Variants in SPAG17 observed in about 807,000 individuals in gnomAD.
SPAG17 encodes the protein sperm associated antigen 17, also known as sperm-associated antigen 17.
A neutral mutation model predicts 273.6 loss-of-function variants in SPAG17; 169 were observed. The ratio of observed to expected loss-of-function variants is 0.62; its 90% confidence interval spans 0.55 to 0.70. The LOEUF (loss-of-function observed/expected upper bound fraction) is 0.70. Among genes scored for constraint, SPAG17 ranks in the 30% least tolerant of loss-of-function variants. The pLI, the probability that SPAG17 is intolerant of heterozygous loss-of-function variation, is 0.00. For missense variants in SPAG17, 2,557 were observed against 2,627.8 expected (o/e 0.97, Z 0.59); for synonymous variants, 825 against 873.2 (o/e 0.94, Z 0.97).
chr1:118,084,201 C>T (rs186583567), intron 13 of SPAG17, among the ~76,000 whole-genome samples: 1 of 152,172 alleles, frequency 6.6e-6, no homozygotes, highest in African/African-American at 2.4e-5. Context: ...ACCAGGCCCT[C>T]GAGGCTATAC....
intron 18 of SPAG17, among the ~76,000 whole-genome samples, chr1:118,059,917 C>A (rs935938805): frequency 2.6e-5 from 4 of 152,006 alleles, no homozygotes; most frequent in African/African-American, 9.7e-5. Flanking sequence ...AGAATTTAAT[C>A]CATTTAAAGT....
intron 4 of SPAG17, among the ~76,000 whole-genome samples, chr1:118,105,734 G>A (rs753063529): frequency 1.8e-4 from 27 of 152,084 alleles, no homozygotes; most frequent in Non-Finnish European, 2.6e-4. Context: ...GAGGTGATGA[G>A]GGCTTCAGTG....
At chr1:117,992,947 T>C (rs902582872) in intron 35 of SPAG17, among the ~76,000 whole-genome samples, 2 of 152,206 alleles carry the variant, frequency 1.3e-5, no homozygotes, top group Non-Finnish European at 2.9e-5. Context: ...GCCTAGCTTA[T>C]GACAAATGGA....
intron 28 of SPAG17, among the ~76,000 whole-genome samples, chr1:118,020,229 G>A (rs1217765049): frequency 1.3e-5 from 2 of 152,138 alleles, no homozygotes; most frequent in Non-Finnish European, 2.9e-5. Context: ...GACCAGCCTG[G>A]CCAACATGGT....
intron 20 of SPAG17, among the ~76,000 whole-genome samples, chr1:118,050,116 C>T (rs1055027581): frequency 3.4e-4 from 51 of 152,172 alleles, no homozygotes; most frequent in African/African-American, 1.2e-3. Context: ...AGAAACCATA[C>T]TGTGCATGCT....
intron 1 of SPAG17, among the ~76,000 whole-genome samples, chr1:118,176,147 G>C (rs942106807): frequency 6.6e-6 from 1 of 152,036 alleles, no homozygotes; most frequent in African/African-American, 2.4e-5. Flanking sequence ...TACTACCAGA[G>C]AAAAATCACC....
intron 4 of SPAG17, among the ~76,000 whole-genome samples, chr1:118,102,421 G>C (rs1656128865): frequency 6.6e-6 from 1 of 152,230 alleles, no homozygotes; most frequent in Non-Finnish European, 1.5e-5. Context: ...GCATTTCATA[G>C]TACAAGTAAT....
intron 8 of SPAG17, among the ~76,000 whole-genome samples, chr1:118,092,891 A>G (rs1376418673): frequency 6.6e-6 from 1 of 152,172 alleles, no homozygotes; most frequent in African/African-American, 2.4e-5. Flanking sequence ...TAAATACTGC[A>G]ATTACTTTGT....
chr1:118,101,608 GC>G (rs1471386490), intron 5 of SPAG17, 131 bp downstream of exon 5: 2 of 847,796 alleles, frequency 2.4e-6, no homozygotes, highest in African/African-American at 3.4e-5. Flanking sequence ...TGTCTCTAGG[GC>G]AAAATGATTG....
At chr1:118,183,699 T>A (rs1376199243) in intron 1 of SPAG17, among the ~76,000 whole-genome samples, 1 of 152,200 alleles carries the variant, frequency 6.6e-6, no homozygotes, top group East Asian at 1.9e-4. Context: ...TATAGCTTCA[T>A]ATTTGCAACA....
chr1:118,091,679 T>C lies in SPAG17; in HGVS notation c.1286A>G (p.Tyr429Cys). Reference sequence around the variant, plus strand: ...TCGAATTGGATTCAGCAAATAATTGTAATATCTCATGTCTACTTCAGTTGT... The same window carrying C: ...TCGAATTGGATTCAGCAAATAATTGCAATATCTCATGTCTACTTCAGTTGT... ...VITTEVDMRY[Y>C]NYLLNPIREE... The change falls in exon 10 of 49, where the codon TAC (tyrosine) becomes TGC (cysteine). Residue 429 changes from tyrosine to cysteine, a missense_variant. Tyr to Cys is a radical substitution (Grantham distance 194, BLOSUM62 -2). Transcript: ENST00000336338. 2 of 1,612,026 alleles carry C rather than the reference T, an allele frequency of 1.2e-6. No homozygotes were observed. Among genetic ancestry groups the C allele is most frequent in the Non-Finnish European group, 1.7e-6 (2 of 1,178,368 alleles).
chr1:117,959,096 C>A, intron 48 of SPAG17: 1 of 1,330,204 alleles, frequency 7.5e-7, no homozygotes, highest in Non-Finnish European at 1.0e-6. Flanking sequence ...TTTAGCAATA[C>A]CCACCACCGA....
chr1:118,137,884 A>T (rs970988538), intron 3 of SPAG17, among the ~76,000 whole-genome samples: 2 of 152,178 alleles, frequency 1.3e-5, no homozygotes, highest in African/African-American at 4.8e-5. Context: ...CTTTTCTTGC[A>T]GCTGAAGATG....
intron 20 of SPAG17, among the ~76,000 whole-genome samples, chr1:118,048,554 C>T (rs10923479): frequency 0.07 from 10,693 of 152,088 alleles, 580 homozygotes; most frequent in East Asian, 0.31. Flanking sequence ...ATGACTCAAA[C>T]AAATAAAATT....
chr1:118,081,364 T>C (rs186261632), intron 14 of SPAG17, 45 bp from the exon 15 acceptor site: 121 of 1,611,868 alleles, frequency 7.5e-5, no homozygotes, highest in African/African-American at 2.8e-4. Flanking sequence ...ATGAGAAAAA[T>C]TGACGATCAT....
At chr1:118,082,127 T>C (rs1416580888) in intron 13 of SPAG17, among the ~76,000 whole-genome samples, 2 of 152,234 alleles carry the variant, frequency 1.3e-5, no homozygotes, top group Non-Finnish European at 1.5e-5. Context: ...TGCAGTATTT[T>C]CCATAATTGC....
At chr1:118,114,913 A>G (rs997002307) in intron 4 of SPAG17, among the ~76,000 whole-genome samples, 1 of 152,230 alleles carries the variant, frequency 6.6e-6, no homozygotes, top group Non-Finnish European at 1.5e-5. Context: ...GCACTTCTAT[A>G]GAGTATCATA....
At chr1:118,049,785 G>A (rs1237726293) in intron 20 of SPAG17, among the ~76,000 whole-genome samples, 3 of 152,174 alleles carry the variant, frequency 2.0e-5, no homozygotes, top group Non-Finnish European at 2.9e-5. Flanking sequence ...GGCATGAGCA[G>A]GGCAGATGTG....
intron 20 of SPAG17, among the ~76,000 whole-genome samples, chr1:118,052,332 T>C (rs1571349620): frequency 1.3e-5 from 2 of 151,652 alleles, no homozygotes; most frequent in Non-Finnish European, 2.9e-5. Context: ...TGCACTTATA[T>C]GTGGAATCTA....
Sources: gnomAD v4.1 joint callset for allele counts (sites outside exome capture counted in the v4.1 genomes callset) on GRCh38, gnomAD v4.1.1 for gene constraint, MANE v1.5 for transcripts, NCBI Gene and HGNC (gene_info 2026-07-23, HGNC 2026-07-21) for gene names.